Variants in ATRNL1 observed in about 807,000 individuals in gnomAD.
ATRNL1 encodes attractin like 1.
Under a neutral mutation model 182.7 loss-of-function variants are expected in ATRNL1, and 95 were observed. The ratio of observed to expected loss-of-function variants is 0.52; its 90% CI spans 0.44 to 0.62. The LOEUF is 0.62. Among genes scored for constraint, ATRNL1 ranks in the 20% least tolerant of loss-of-function variants. ATRNL1 has a pLI of 0.00. For missense variants in ATRNL1, 1,471 were observed against 1,679.5 expected (o/e 0.88, Z 2.17); for synonymous variants, 576 against 568.3 (o/e 1.01, Z -0.19).
intron 8 of ATRNL1, among the ~76,000 whole-genome samples, chr10:115,174,553 T>C (rs1180446426): frequency 6.6e-6 from 1 of 151,860 alleles, no homozygotes; most frequent in African/African-American, 2.4e-5. Context: ...AGTAAGTATA[T>C]CATTTATTTA....
chr10:115,195,136 T>C (rs782297540), intron 8 of ATRNL1, among the ~76,000 whole-genome samples: 14 of 152,192 alleles, frequency 9.2e-5, no homozygotes, highest in Non-Finnish European at 1.5e-4. Context: ...GAGTGCTTTA[T>C]GTATTTCAGT....
chr10:115,624,116 T>A (rs2133812699), intron 26 of ATRNL1, among the ~76,000 whole-genome samples: 1 of 152,204 alleles, frequency 6.6e-6, no homozygotes, highest in South Asian at 2.1e-4. Context: ...TTTTAATATA[T>A]GTTTAGGGAA....
chr10:115,856,664 CAA>C (rs1372156958), intron 28 of ATRNL1, among the ~76,000 whole-genome samples: 2 of 151,906 alleles, frequency 1.3e-5, no homozygotes, highest in African/African-American at 4.8e-5. Flanking sequence ...TACATTCTCA[CAA>C]AGAGTTTGCA....
intron 10 of ATRNL1, among the ~76,000 whole-genome samples, chr10:115,259,338 C>T (rs1434577954): frequency 2.0e-5 from 3 of 152,166 alleles, no homozygotes; most frequent in Non-Finnish European, 2.9e-5. Flanking sequence ...GGATGCACCC[C>T]CCAGCCAGGC....
At chr10:115,812,987 G>A (rs1292813454) in intron 27 of ATRNL1, among the ~76,000 whole-genome samples, 5 of 152,054 alleles carry the variant, frequency 3.3e-5, no homozygotes, top group Admixed American at 2.6e-4. Flanking sequence ...ATGCTAGAGA[G>A]TGAATATGGA....
At chr10:115,451,733 C>T (rs1434473703) in intron 21 of ATRNL1, among the ~76,000 whole-genome samples, 1 of 152,118 alleles carries the variant, frequency 6.6e-6, no homozygotes, top group African/African-American at 2.4e-5. Context: ...GCAGAACTAC[C>T]ATTCAACCCA....
chr10:115,155,146 T>C (rs782669406), intron 5 of ATRNL1, among the ~76,000 whole-genome samples: 1 of 152,152 alleles, frequency 6.6e-6, no homozygotes, highest in Non-Finnish European at 1.5e-5. Context: ...TCTGTTTTAA[T>C]GGATTTTTTT....
chr10:115,552,659 A>G (rs1160736565), intron 26 of ATRNL1, among the ~76,000 whole-genome samples: 6 of 151,382 alleles, frequency 4.0e-5, no homozygotes, highest in African/African-American at 1.2e-4. Flanking sequence ...ATAATTTTAA[A>G]TTCAGAGGAT....
intron 18 of ATRNL1, among the ~76,000 whole-genome samples, chr10:115,326,310 A>C (rs1421549587): frequency 1.3e-5 from 2 of 152,194 alleles, no homozygotes; most frequent in African/African-American, 4.8e-5. Flanking sequence ...AGAGAGCCAA[A>C]TCATGAGTGA....
intron 24 of ATRNL1, among the ~76,000 whole-genome samples, chr10:115,507,360 G>A (rs1169593999): frequency 6.6e-6 from 1 of 151,956 alleles, no homozygotes; most frequent in Non-Finnish European, 1.5e-5. Flanking sequence ...AGTAGATACT[G>A]CAATTCAATA....
chr10:115,502,968 C>T (rs1360966168), intron 24 of ATRNL1, among the ~76,000 whole-genome samples: 1 of 152,076 alleles, frequency 6.6e-6, no homozygotes, highest in Non-Finnish European at 1.5e-5. Flanking sequence ...AGTTGAATAG[C>T]TTTAATTTCT....
chr10:115,724,717 G>C (rs1350134563), intron 26 of ATRNL1, among the ~76,000 whole-genome samples: 2 of 152,116 alleles, frequency 1.3e-5, no homozygotes, highest in African/African-American at 4.8e-5. Flanking sequence ...TTGAGGCTTA[G>C]AGAGGTCTAA....
chr10:115,859,621 C>T (rs896288692), intron 28 of ATRNL1, among the ~76,000 whole-genome samples: 4 of 152,082 alleles, frequency 2.6e-5, no homozygotes, highest in African/African-American at 9.7e-5. Context: ...TGGGGGTCAC[C>T]TCATAGGGCC....
rs147484630 is a variant in ATRNL1, at chr10:115,741,138, C to G, written c.3903+13783C>G. On this transcript the variant is annotated intron_variant, in intron 27 of 28. Transcript: ENST00000355044. ...ATATGTTATCTTTACCTTTCAGAAA[C>G]TTACAGACTAACAAGAGAGATATGT... Among the ~76,000 whole-genome samples the G allele has an allele frequency of 1.9e-3, 295 of 152,178 alleles. 1 individual carries two copies. The highest frequency in any genetic ancestry group is 6.3e-3 in the African/African-American group (262 of 41,516).
intron 20 of ATRNL1, among the ~76,000 whole-genome samples, chr10:115,414,342 C>G (rs941132836): frequency 6.6e-6 from 1 of 151,408 alleles, no homozygotes; most frequent in South Asian, 2.1e-4. Context: ...CCCTTCCTTT[C>G]TTCTTTCATT....
At chr10:115,878,691 A>C (rs905202350) in intron 28 of ATRNL1, among the ~76,000 whole-genome samples, 1 of 152,042 alleles carries the variant, frequency 6.6e-6, no homozygotes. Flanking sequence ...ATTGTATTGG[A>C]GCCTTACAGT....
intron 28 of ATRNL1, among the ~76,000 whole-genome samples, chr10:115,889,126 T>A (rs2134458178): frequency 6.6e-6 from 1 of 152,258 alleles, no homozygotes; most frequent in East Asian, 1.9e-4. Flanking sequence ...TAATACAAGT[T>A]GCTGATTCAA....
intron 5 of ATRNL1, among the ~76,000 whole-genome samples, chr10:115,151,550 C>T (rs1410357581): frequency 1.3e-5 from 2 of 152,172 alleles, no homozygotes; most frequent in Non-Finnish European, 2.9e-5. Context: ...ATATCCTTCG[C>T]CCACTTTTTG....
intron 15 of ATRNL1, among the ~76,000 whole-genome samples, chr10:115,287,075 C>T (rs1289250768): frequency 6.6e-6 from 1 of 151,848 alleles, no homozygotes; most frequent in Non-Finnish European, 1.5e-5. Context: ...GACTATGTTA[C>T]CAATTACTTG....
Sources: allele counts gnomAD v4.1 joint callset (sites outside exome capture counted in the v4.1 genomes callset), GRCh38; gene constraint gnomAD v4.1.1; transcripts MANE v1.5; gene names NCBI Gene and HGNC (gene_info 2026-07-23, HGNC 2026-07-21).